Variants in ARMH4 observed in about 807,000 individuals in gnomAD.
ARMH4 encodes the protein armadillo like helical domain containing 4.
Under a neutral mutation model 61.9 loss-of-function variants are expected in ARMH4, and 49 were observed. The observed-to-expected ratio is 0.79, with a 90% CI of 0.63 to 1.00. The LOEUF (loss-of-function observed/expected upper bound fraction) is 1.00. Ranked by LOEUF, ARMH4 falls within the 50% of genes least tolerant of loss-of-function variation. ARMH4 has a pLI of 0.00. For missense variants in ARMH4, 934 were observed against 930.0 expected, an observed-to-expected ratio of 1.00 and a Z score of -0.06; for synonymous variants, 368 against 341.5, an observed-to-expected ratio of 1.08 and a Z score of -0.85.
intron 4 of ARMH4, 98 bp downstream of exon 4, chr14:58,131,414 C>T: frequency 1.0e-6 from 1 of 966,920 alleles, no homozygotes; most frequent in Middle Eastern, 2.8e-4. Flanking sequence ...ATCTATACTG[C>T]AGATTGAATA....
intron 4 of ARMH4, among the ~76,000 whole-genome samples, chr14:58,122,205 A>G (rs995622618): frequency 2.0e-5 from 3 of 152,228 alleles, no homozygotes; most frequent in African/African-American, 2.4e-5. Context: ...GATCTTTAAC[A>G]TCATATACCA....
chr14:58,072,263 CT>C (rs1333760883), intron 5 of ARMH4, among the ~76,000 whole-genome samples: 2 of 151,992 alleles, frequency 1.3e-5, no homozygotes, highest in Non-Finnish European at 2.9e-5. Flanking sequence ...ACAGAAGCAA[CT>C]TTTTTTTCTG....
chr14:58,138,042 A>C lies in ARMH4; in HGVS notation c.1317T>G (p.Ser439=). 2 of 1,614,262 alleles carry C rather than the reference A, an allele frequency of 1.2e-6. No individual in the cohort carries two copies. The highest frequency in any genetic ancestry group is 1.7e-6 in the Non-Finnish European group (2 of 1,180,042). Residue 439 remains serine, a synonymous_variant, in exon 2 of 8, where the codon TCT becomes TCG. Transcript: ENST00000267485. ...CTGCCTCAGACTCATATACAGAGAC[A>C]GAAACAGTGGTTTCTAAGAAAAACA... is the stretch of plus-strand genomic sequence containing the variant. The part of the protein sequence containing the change: ...DALFFLETTV[S]VSVYESEADQ...
At chr14:58,145,195 C>A (rs995244832) in intron 1 of ARMH4, among the ~76,000 whole-genome samples, 1 of 102,154 alleles carries the variant, frequency 9.8e-6, no homozygotes, top group African/African-American at 2.9e-5. Flanking sequence ...GGGACTTGGG[C>A]TGGCATCAGA....
intron 5 of ARMH4, among the ~76,000 whole-genome samples, chr14:58,087,322 G>T (rs538018993): frequency 1.3e-5 from 2 of 152,082 alleles, no homozygotes; most frequent in African/African-American, 4.8e-5. Flanking sequence ...TGGTCCAAAG[G>T]TTGTTATTTT....
intron 5 of ARMH4, among the ~76,000 whole-genome samples, chr14:58,059,616 T>C (rs990403155): frequency 6.6e-6 from 1 of 152,212 alleles, no homozygotes; most frequent in African/African-American, 2.4e-5. Flanking sequence ...CAAAAGTACC[T>C]TGTAAATACC....
At position 58,131,507 on chromosome 14, in the gene ARMH4, A is replaced by C. The variant is rs373371374; in HGVS notation, c.1831+5T>G. 1.2e-6 allele frequency: 2 copies of C among 1,611,256 alleles called. No individual in the cohort carries two copies. Among genetic ancestry groups the C allele is most frequent in the African/African-American group, 2.7e-5 (2 of 74,868 alleles). On this transcript the variant is annotated splice_donor_5th_base_variant and intron_variant, in intron 4 of 7. Transcript: ENST00000267485. ...TTGAAAAGATCCCCTTCAAAGCATG[A>C]ATACCTTCAGATTCAAGTTGGTCCA...
intron 2 of ARMH4, among the ~76,000 whole-genome samples, chr14:58,136,665 C>T (rs1369008011): frequency 6.6e-6 from 1 of 152,156 alleles, no homozygotes; most frequent in Non-Finnish European, 1.5e-5. Flanking sequence ...TGAAGTAACA[C>T]GTTGTACATG....
At chr14:58,102,817 CAAAAAAAA>C (rs398025219) in intron 4 of ARMH4, among the ~76,000 whole-genome samples, 8 of 50,958 alleles carry the variant, frequency 1.6e-4, no homozygotes, top group Non-Finnish European at 2.4e-4. Context: ...GACTCCGTCT[CAAAAAAAA>C]AAAAAAAAAA....
chr14:58,042,672 G>T (rs1011797013), intron 5 of ARMH4, among the ~76,000 whole-genome samples: 1 of 152,068 alleles, frequency 6.6e-6, no homozygotes, highest in Admixed American at 6.5e-5. Context: ...CTGGTTTTTT[G>T]AACATATCAA....
At chr14:58,008,653 T>A (rs554762841) in intron 6 of ARMH4, among the ~76,000 whole-genome samples, 1 of 152,208 alleles carries the variant, frequency 6.6e-6, no homozygotes, top group African/African-American at 2.4e-5. Flanking sequence ...AACTCCAGCA[T>A]GGATCAGGAA....
intron 1 of ARMH4, chr14:58,141,185 T>G (rs1887537294): frequency 3.9e-6 from 1 of 257,172 alleles, no homozygotes; most frequent in African/African-American, 2.3e-5. Flanking sequence ...ACCAGTTACT[T>G]TTAAGAGTTT....
Position 58,137,983 on chromosome 14 carries a change from C to G in ARMH4, c.1369+7G>C. 2 of 1,580,662 alleles carry G rather than the reference C, an allele frequency of 1.3e-6. No homozygotes were observed. The highest frequency in any genetic ancestry group is 1.7e-6 in the Non-Finnish European group (2 of 1,161,472). The stretch of plus-strand genomic sequence containing the variant: ...CCAAAGTTTGTTTTTCTTTTTCTTT[C>G]TTTTACCTTTCATTGTATTTCCCAA... On this transcript the variant is annotated splice_region_variant and intron_variant, in intron 2 of 7. Coordinates refer to ENST00000267485, the MANE Select transcript of ARMH4 (RefSeq NM_001001872.4).
rs1594680992 is a variant in ARMH4, at chr14:58,003,939, T to C, written c.*797A>G. 4 of 152,304 alleles carry C rather than the reference T, an allele frequency of 2.6e-5. No homozygotes were observed. The East Asian group carries it at 7.7e-4, about 29-fold the overall frequency. 9.4% of individuals were successfully genotyped at this position (152,304 alleles called of 1,614,324 possible). A position where few individuals can be genotyped will look rare whatever the true frequency, so the allele number is the denominator to read the frequency against. On this transcript the variant is annotated 3_prime_UTR_variant, in exon 8 of 8. Coordinates refer to ENST00000267485, the MANE Select transcript of ARMH4 (RefSeq NM_001001872.4). ...TCATTCTTGAATTCTTCTTCATTTT[T>C]TCTCGGCAAAATCAACTAGCACACA...
At chr14:58,018,228 C>T (rs1882685884) in intron 5 of ARMH4, among the ~76,000 whole-genome samples, 1 of 151,978 alleles carries the variant, frequency 6.6e-6, no homozygotes, top group Non-Finnish European at 1.5e-5. Context: ...GATTTTTTGG[C>T]TATCACTCCA....
chr14:58,084,522 C>T (rs1244513936), intron 5 of ARMH4, among the ~76,000 whole-genome samples: 1 of 152,166 alleles, frequency 6.6e-6, no homozygotes, highest in Non-Finnish European at 1.5e-5. Flanking sequence ...TACAAATCTT[C>T]GGCAGTTGAA....
At chr14:58,017,296 A>G (rs780733563) in intron 5 of ARMH4, among the ~76,000 whole-genome samples, 10 of 152,208 alleles carry the variant, frequency 6.6e-5, no homozygotes, top group Non-Finnish European at 1.3e-4. Flanking sequence ...CCTTGGCAAC[A>G]GACCAACACC....
chr14:58,067,407 G>A (rs1194499741), intron 5 of ARMH4, among the ~76,000 whole-genome samples: 8 of 152,190 alleles, frequency 5.3e-5, no homozygotes, highest in African/African-American at 1.9e-4. Flanking sequence ...ACAGGACTTA[G>A]TGGCTGGTTC....
chr14:58,058,600 C>T (rs1006724383), intron 5 of ARMH4, among the ~76,000 whole-genome samples: 14 of 152,072 alleles, frequency 9.2e-5, no homozygotes, highest in Non-Finnish European at 1.8e-4. Context: ...CAAACTGTCA[C>T]GGCACTGGTG....
Sources: gnomAD v4.1 joint callset for allele counts (sites outside exome capture counted in the v4.1 genomes callset) on GRCh38, gnomAD v4.1.1 for gene constraint, MANE v1.5 for transcripts, NCBI Gene and HGNC (gene_info 2026-07-23, HGNC 2026-07-21) for gene names.